MMP26: variants seen among roughly 807,000 people sequenced by gnomAD.
MMP26 encodes matrix metalloproteinase-26.
Under a neutral mutation model 31.0 loss-of-function variants are expected in MMP26, and 33 were observed. The ratio of observed to expected loss-of-function variants is 1.06; its 90% CI spans 0.81 to 1.42. MMP26 has a LOEUF of 1.42. Ranked by LOEUF, MMP26 falls within the 40% of genes most tolerant of loss-of-function variation. MMP26 has a pLI of 0.00. For missense variants in MMP26, 347 were observed against 316.1 expected, an observed-to-expected ratio of 1.10 and a Z score of -0.74; for synonymous variants, 122 against 114.9, an observed-to-expected ratio of 1.06 and a Z score of -0.40.
chr11:4,943,980 A>G (rs181288871), intron 2 of MMP26: 276 of 410,554 alleles, frequency 6.7e-4, no homozygotes, highest in African/African-American at 5.2e-3. Flanking sequence ...TTTAGTGGAA[A>G]TGAAGTCTTC....
At chr11:4,785,915 T>C (rs1371383904) in intron 2 of MMP26, among the ~76,000 whole-genome samples, 1 of 152,192 alleles carries the variant, frequency 6.6e-6, no homozygotes. Flanking sequence ...TTATTGATTT[T>C]ATTGGGGAGG....
At position 4,804,106 on chromosome 11, in the gene MMP26, G is replaced by A. The variant is rs886432324; in HGVS notation, c.-145+36765G>A. On this transcript the variant is annotated intron_variant, in intron 2 of 7. Coordinates refer to ENST00000380390, the MANE Select transcript of MMP26 (RefSeq NM_021801.5). ...GCAGGCATGGTACTGAATCTCATGA[G>A]CATGAAACCAGAATATGGCCAACAT... The A allele has an allele frequency of 2.5e-6, 4 of 1,614,034 alleles. No individual in the cohort carries two copies. Among genetic ancestry groups the A allele is most frequent in the Non-Finnish European group, 3.4e-6 (4 of 1,180,048 alleles).
At chr11:4,917,602 C>T (rs1851117607) in intron 2 of MMP26, among the ~76,000 whole-genome samples, 1 of 152,188 alleles carries the variant, frequency 6.6e-6, no homozygotes, top group Non-Finnish European at 1.5e-5. Context: ...CATATAGGCT[C>T]TCACACCGTG....
rs1192191050 is a variant in MMP26 at position 4,786,516 on chromosome 11, T to TTTA, written c.-145+19177_-145+19178insATT. Among the ~76,000 whole-genome samples the TTTA allele has an allele frequency of 1.2e-4, 16 of 136,580 alleles. 1 individual carries two copies. Among genetic ancestry groups the TTTA allele is most frequent in the Non-Finnish European group, 2.1e-4 (13 of 60,942 alleles). 89.6% of individuals were successfully genotyped at this position (136,580 alleles called of 152,430 possible). The stretch of plus-strand genomic sequence containing the variant: ...TCCTTTTTTTTTTTTTTTTTTTTTT[T>TTTA]TTTTTTTACCAAAACTGTTGTGAGA... On this transcript the variant is annotated intron_variant, in intron 2 of 7. Transcript: ENST00000380390.
chr11:4,932,601 G>C (rs960306310), intron 2 of MMP26, among the ~76,000 whole-genome samples: 2 of 152,124 alleles, frequency 1.3e-5, no homozygotes. Context: ...AAGATGCCCA[G>C]TTGGTACTAT....
At chr11:4,727,996 G>C (rs1405951098) in intron 1 of MMP26, among the ~76,000 whole-genome samples, 3 of 152,178 alleles carry the variant, frequency 2.0e-5, no homozygotes, top group African/African-American at 7.2e-5. Context: ...GTTATTGGGA[G>C]TATAATTGGT....
intron 2 of MMP26, chr11:4,859,720 AT>A: frequency 2.1e-6 from 1 of 471,134 alleles, no homozygotes; most frequent in Non-Finnish European, 4.4e-6. Context: ...CAGTAGGTAT[AT>A]ATCAGCCATG....
chr11:4,927,271 A>G (rs1028560602), intron 2 of MMP26, among the ~76,000 whole-genome samples: 3 of 152,196 alleles, frequency 2.0e-5, no homozygotes, highest in Non-Finnish European at 4.4e-5. Context: ...ACCTTATTTT[A>G]GTATAGAGCT....
intron 1 of MMP26, chr11:4,722,908 G>C (rs1326837795): frequency 1.3e-6 from 1 of 788,492 alleles, no homozygotes; most frequent in African/African-American, 1.7e-5. Flanking sequence ...GGCCCCCATA[G>C]GCCGAGCTTA....
chr11:4,711,226 C>T (rs970630652), intron 1 of MMP26: 1 of 152,010 alleles, frequency 6.6e-6, no homozygotes, highest in Non-Finnish European at 1.5e-5. Flanking sequence ...ACATAAAATA[C>T]AATGCAACAA....
At chr11:4,840,242 A>G (rs7925039) in intron 2 of MMP26, among the ~76,000 whole-genome samples, 23,383 of 152,208 alleles carry the variant, frequency 0.15, 2,104 homozygotes, top group African/African-American at 0.24. Context: ...CCTGGGGCCT[A>G]GGGGATCTCA....
intron 3 of MMP26, among the ~76,000 whole-genome samples, chr11:4,989,082 G>T (rs972304562): frequency 2.6e-5 from 4 of 152,154 alleles, no homozygotes; most frequent in Non-Finnish European, 4.4e-5. Flanking sequence ...GACAGAGAAA[G>T]CCTAATTACA....
At chr11:4,848,095 A>G (rs953393900) in intron 2 of MMP26, 1 of 854,540 alleles carries the variant, frequency 1.2e-6, no homozygotes, top group Admixed American at 2.5e-5. Context: ...ATACACAGGC[A>G]TACTTCCAGG....
rs372608868 is a variant in MMP26, at chr11:4,954,971, G to A, written c.-144-33097G>A. ...GATGGGCAGGTAGAAGATGATCACTGCACAGATGTGTGAAACACAAGTATT... is the reference window on the plus strand; with the variant it reads ...GATGGGCAGGTAGAAGATGATCACTACACAGATGTGTGAAACACAAGTATT... On this transcript the variant is annotated intron_variant, in intron 2 of 7. Coordinates refer to ENST00000380390, the MANE Select transcript of MMP26 (RefSeq NM_021801.5). 2.0e-4 allele frequency: 273 copies of A among 1,350,288 alleles called. 9 individuals carry two copies. Among genetic ancestry groups the A allele is most frequent in the Non-Finnish European group, 2.7e-4 (259 of 975,722 alleles). 83.6% of individuals were successfully genotyped at this position (1,350,288 alleles called of 1,614,324 possible).
At chr11:4,753,938 G>A (rs1462158582) in intron 1 of MMP26, among the ~76,000 whole-genome samples, 2 of 151,920 alleles carry the variant, frequency 1.3e-5, no homozygotes, top group East Asian at 1.9e-4. Context: ...AGCTTGTTTT[G>A]TAACATGAAT....
intron 2 of MMP26, among the ~76,000 whole-genome samples, chr11:4,918,180 C>T (rs958071038): frequency 1.3e-5 from 2 of 152,026 alleles, no homozygotes; most frequent in African/African-American, 2.4e-5. Flanking sequence ...AATCACGCAG[C>T]CAGTCAGTGC....
At chr11:4,891,843 T>A (rs771925865) in intron 2 of MMP26, among the ~76,000 whole-genome samples, 1 of 152,122 alleles carries the variant, frequency 6.6e-6, no homozygotes, top group Non-Finnish European at 1.5e-5. Flanking sequence ...ATTGGAGACA[T>A]AGTATGTCAC....
intron 2 of MMP26, among the ~76,000 whole-genome samples, chr11:4,825,049 G>A (rs1398208407): frequency 6.6e-6 from 1 of 152,044 alleles, no homozygotes; most frequent in African/African-American, 2.4e-5. Flanking sequence ...AGACCTGATT[G>A]GTTATTATTT....
intron 1 of MMP26, among the ~76,000 whole-genome samples, chr11:4,717,447 A>C (rs1847949349): frequency 6.6e-6 from 1 of 152,210 alleles, no homozygotes; most frequent in Non-Finnish European, 1.5e-5. Context: ...ACATAGTTGT[A>C]GCGGAAGAAG....
Sources: gnomAD v4.1 joint callset for allele counts (sites outside exome capture counted in the v4.1 genomes callset) on GRCh38, gnomAD v4.1.1 for gene constraint, MANE v1.5 for transcripts, NCBI Gene and HGNC (gene_info 2026-07-23, HGNC 2026-07-21) for gene names.